The following COL6A6 variants were observed in gnomAD, a reference collection of about 807,000 sequenced individuals.
COL6A6 encodes collagen type VI alpha 6 chain.
In COL6A6, 183 loss-of-function variants were observed where a neutral mutation model predicts 208.6. The observed-to-expected ratio is 0.88, with a 90% CI of 0.78 to 0.99. The LOEUF (loss-of-function observed/expected upper bound fraction) is 0.99. COL6A6 is among the 50% of genes least tolerant of loss of function. The pLI, the probability that COL6A6 is intolerant of heterozygous loss-of-function variation, is 0.00. For missense variants in COL6A6, 2,816 were observed against 2,815.2 expected, an observed-to-expected ratio of 1.00 and a Z score of -0.01; for synonymous variants, 973 against 1,011.8, an observed-to-expected ratio of 0.96 and a Z score of 0.73.
rs1711099357 is a variant in COL6A6, at chr3:130,521,990, C to A, written c.-32+4593C>A. Among the ~76,000 whole-genome samples the A allele has an allele frequency of 2.0e-5, 3 of 152,184 alleles. No homozygotes were observed. In the South Asian group the frequency reaches 6.2e-4, roughly 32 times the overall value. On this transcript the variant is annotated intron_variant, in intron 1 of 36. Transcript: ENST00000358511. ...TACCAGGAGTTACCTCCCAAATAAACTAATTGAATGAATTCTTGTCCAGGG... is the reference window on the plus strand; with the variant it reads ...TACCAGGAGTTACCTCCCAAATAAAATAATTGAATGAATTCTTGTCCAGGG...
chr3:130,639,871 A>C (rs902651617), intron 28 of COL6A6, among the ~76,000 whole-genome samples: 5 of 152,130 alleles, frequency 3.3e-5, no homozygotes, highest in Non-Finnish European at 5.9e-5. Flanking sequence ...AACTTCTTAC[A>C]GTTTCCTACC....
rs781398892 is a variant in COL6A6, at chr3:130,610,727, A to G, written c.4815+16A>G. On this transcript the variant is annotated intron_variant, in intron 23 of 36. Coordinates refer to ENST00000358511, the MANE Select transcript of COL6A6 (RefSeq NM_001102608.3). ...AGGTCCCCAGGTATGTAATGAGAAA[A>G]ATGATTGCATCTGACTTTGATCTTG... 1.3e-6 allele frequency: 2 copies of G among 1,552,014 alleles called. No homozygotes were observed. Among genetic ancestry groups the G allele is most frequent in the Non-Finnish European group, 1.8e-6 (2 of 1,140,854 alleles).
intron 3 of COL6A6, among the ~76,000 whole-genome samples, chr3:130,564,274 C>G (rs1380224975): frequency 6.6e-6 from 1 of 152,184 alleles, no homozygotes; most frequent in African/African-American, 2.4e-5. Flanking sequence ...TTAGTTTTCC[C>G]TGTGTTCTGA....
chr3:130,544,019 G>A (rs1219134633), intron 1 of COL6A6, among the ~76,000 whole-genome samples: 2 of 152,096 alleles, frequency 1.3e-5, no homozygotes, highest in Admixed American at 6.6e-5. Context: ...ACAGTGGCAG[G>A]AGTGTCTAAA....
At position 130,589,140 on chromosome 3, in the gene COL6A6, A is replaced by G. The variant is rs201668795; in HGVS notation, c.4176A>G (p.Gly1392=). 19 of 1,613,870 alleles carry G rather than the reference A, an allele frequency of 1.2e-5. No individual in the cohort carries two copies. In the Admixed American group the frequency reaches 1.7e-4, roughly 14 times the overall value. ...TCCCLFCKCI[G]GDGTMGDPGP... ...GCTGTTTGTTCTGCAAGTGCATTGG[A>G]GGAGATGGCACAATGGGAGATCCTG... Residue 1392 remains glycine (G), a synonymous_variant, in exon 12 of 37, where the codon GGA becomes GGG. Transcript: ENST00000358511.
chr3:130,634,726 T>C (rs866347564), intron 27 of COL6A6, 101 bp downstream of exon 27: 8 of 822,950 alleles, frequency 9.7e-6, no homozygotes, highest in Middle Eastern at 2.4e-4. Flanking sequence ...GATAAATAAA[T>C]GTCCTACCTT....
rs1448429968 is a variant in COL6A6, at chr3:130,589,169, C to A, written c.4205C>A (p.Pro1402Gln). The change falls in exon 12 of 37, where the codon CCA becomes CAA. Residue 1402 changes from proline to glutamine, a missense_variant. By Grantham distance (76) the Pro-to-Gln change is moderately conservative. Coordinates refer to ENST00000358511, the MANE Select transcript of COL6A6 (RefSeq NM_001102608.3). ...GGDGTMGDPG[P>Q]PGKRGPPGFK... ...GATGGCACAATGGGAGATCCTGGAC[C>A]ACCAGGGAAAAGGGTGATTTTAGCT... 6.2e-7 allele frequency: 1 copy of A among 1,612,646 alleles called. No individual in the cohort carries two copies. Among genetic ancestry groups the A allele is most frequent in the Admixed American group, 1.7e-5 (1 of 60,000 alleles).
intron 36 of COL6A6, among the ~76,000 whole-genome samples, chr3:130,672,612 C>A (rs2108496971): frequency 6.6e-6 from 1 of 152,024 alleles, no homozygotes. Flanking sequence ...CCATGTTGGC[C>A]AGGCTGGTCT....
chr3:130,547,195 G>A (rs1465284888), intron 1 of COL6A6, among the ~76,000 whole-genome samples: 1 of 152,262 alleles, frequency 6.6e-6, no homozygotes, highest in Non-Finnish European at 1.5e-5. Flanking sequence ...CAGGTCCCGA[G>A]CCATGCCCCG....
Position 130,610,691 on chromosome 3 carries a change from G to A in COL6A6, c.4795G>A (p.Val1599Met). The change falls in exon 23 of 37, where the codon GTG becomes ATG. Residue 1599 changes from valine (V) to methionine (M), a missense_variant. By Grantham distance (21) the Val-to-Met change is conservative. Coordinates refer to ENST00000358511, the MANE Select transcript of COL6A6 (RefSeq NM_001102608.3). ...EAGVKGEKGG[V>M]GSKGPQGPPG... is the part of the protein sequence containing the mutation. ...TGGTGTGAAAGGAGAAAAAGGAGGT[G>A]TGGGAAGTAAAGGTCCCCAGGTATG... is the stretch of plus-strand genomic sequence containing the variant. The A allele has an allele frequency of 1.3e-6, 2 of 1,590,998 alleles. No homozygotes were observed. Among genetic ancestry groups the A allele is most frequent in the Non-Finnish European group, 1.7e-6 (2 of 1,167,996 alleles).
chr3:130,609,754 A>G (rs965628883), intron 22 of COL6A6, among the ~76,000 whole-genome samples: 1 of 152,134 alleles, frequency 6.6e-6, no homozygotes, highest in African/African-American at 2.4e-5. Flanking sequence ...TTTAATCCAC[A>G]TAGTTAAAAA....
Position 130,563,590 on chromosome 3 carries a change from C to T in COL6A6, c.587C>T (p.Ser196Phe), listed in dbSNP as rs1263004887. ...ACAGTCAGAGACCTCAGCATGTTTT[C>T]CCAAAACATGACACACATCATCAAG... ...LRTVRDLSMF[S>F]QNMTHIIKDV... The change falls in exon 3 of 37, where the codon TCC becomes TTC. Residue 196 changes from serine (S) to phenylalanine (F), a missense_variant. Ser to Phe is a radical substitution (Grantham distance 155). Coordinates refer to ENST00000358511, the MANE Select transcript of COL6A6 (RefSeq NM_001102608.3). The T allele has an allele frequency of 6.2e-7, 1 of 1,613,770 alleles. No individual in the cohort carries two copies. Among genetic ancestry groups the T allele is most frequent in the African/African-American group, 1.3e-5 (1 of 74,878 alleles).
intron 1 of COL6A6, among the ~76,000 whole-genome samples, chr3:130,540,710 A>C (rs1441470054): frequency 5.3e-5 from 8 of 151,610 alleles, no homozygotes; most frequent in Non-Finnish European, 1.5e-5. Context: ...CCCTGTGTCC[A>C]TGTGTTCTCA....
At chr3:130,614,924 ACTAGT>A (rs1240704723) in intron 23 of COL6A6, among the ~76,000 whole-genome samples, 45 of 151,676 alleles carry the variant, frequency 3.0e-4, no homozygotes, top group Non-Finnish European at 1.5e-4. Flanking sequence ...GGTCTAGCTG[ACTAGT>A]CTATCTTATT....
At chr3:130,655,458 T>TGG (rs765719561) in intron 33 of COL6A6, among the ~76,000 whole-genome samples, 1 of 152,182 alleles carries the variant, frequency 6.6e-6, no homozygotes, top group African/African-American at 2.4e-5. Context: ...AATCTGATCT[T>TGG]GGACCCAGCC....
At chr3:130,527,213 T>C (rs2061980192) in intron 1 of COL6A6, among the ~76,000 whole-genome samples, 1 of 152,232 alleles carries the variant, frequency 6.6e-6, no homozygotes, top group African/African-American at 2.4e-5. Flanking sequence ...TAATCACCTT[T>C]GAGGCTCTGT....
intron 1 of COL6A6, among the ~76,000 whole-genome samples, chr3:130,531,666 T>A (rs1331463044): frequency 6.6e-6 from 1 of 152,204 alleles, no homozygotes; most frequent in African/African-American, 2.4e-5. Flanking sequence ...TATAGTCTCA[T>A]AGGCCTGTGC....
At chr3:130,592,461 A>G in intron 13 of COL6A6, 80 bp from the exon 14 acceptor site, 1 of 1,112,922 alleles carries the variant, frequency 9.0e-7, no homozygotes, top group East Asian at 2.6e-5. Context: ...TTTTTTTGGT[A>G]ACAAAAAACT....
chr3:130,546,146 C>G (rs1227441316), intron 1 of COL6A6, among the ~76,000 whole-genome samples: 2 of 152,090 alleles, frequency 1.3e-5, no homozygotes, highest in Non-Finnish European at 2.9e-5. Context: ...GAATGAAGCC[C>G]CGGACCCTCG....
Sources: gnomAD v4.1 joint callset for allele counts (sites outside exome capture counted in the v4.1 genomes callset) on GRCh38, gnomAD v4.1.1 for gene constraint, MANE v1.5 for transcripts, NCBI Gene and HGNC (gene_info 2026-07-23, HGNC 2026-07-21) for gene names.